The following CSMD1 variants were observed in gnomAD, a reference collection of about 807,000 sequenced individuals.
The protein encoded by CSMD1 is CUB and sushi domain-containing protein 1.
A neutral mutation model predicts 417.5 loss-of-function variants in CSMD1; 213 were observed. That is an observed-to-expected ratio of 0.51 (90% CI 0.46 to 0.57). The LOEUF (loss-of-function observed/expected upper bound fraction) is 0.57, where lower values mean the gene tolerates loss of function less well. Among genes scored for constraint, CSMD1 ranks in the 20% least tolerant of loss-of-function variants. CSMD1 has a pLI of 0.00. For missense variants in CSMD1, 6,923 were observed against 4,529.7 expected (o/e 1.53, Z -15.17); for synonymous variants, 2,862 against 1,736.8 (o/e 1.65, Z -16.11).
chr8:4,695,037 T>C (rs1276161935), intron 1 of CSMD1, among the ~76,000 whole-genome samples: 3 of 152,194 alleles, frequency 2.0e-5, no homozygotes, highest in Non-Finnish European at 4.4e-5. Flanking sequence ...TTATCTGTCA[T>C]CTTCCCCCTT....
intron 1 of CSMD1, among the ~76,000 whole-genome samples, chr8:4,921,653 C>G (rs1046769698): frequency 5.3e-5 from 8 of 152,058 alleles, no homozygotes; most frequent in Non-Finnish European, 1.2e-4. Context: ...TGTGAATTAC[C>G]CACAGAAGTG....
intron 3 of CSMD1, among the ~76,000 whole-genome samples, chr8:4,119,450 A>T (rs555781785): frequency 6.6e-6 from 1 of 152,184 alleles, no homozygotes; most frequent in South Asian, 2.1e-4. Context: ...CATGGACTGA[A>T]TATCTGTGTC....
intron 16 of CSMD1, among the ~76,000 whole-genome samples, chr8:3,398,512 G>T (rs150973500): frequency 1.4e-4 from 21 of 152,244 alleles, no homozygotes; most frequent in African/African-American, 5.1e-4. Flanking sequence ...TGTTAGCATT[G>T]ATCATTTGAA....
At chr8:4,141,565 C>T (rs1216607083) in intron 3 of CSMD1, among the ~76,000 whole-genome samples, 2 of 151,146 alleles carry the variant, frequency 1.3e-5, no homozygotes, top group Non-Finnish European at 2.9e-5. Context: ...CTCTTACAAA[C>T]CTGTACAGAA....
intron 1 of CSMD1, among the ~76,000 whole-genome samples, chr8:4,841,911 C>CAAACAAAACAAAAAAAAAAAAAAAAA (rs779855887): frequency 2.9e-5 from 1 of 34,824 alleles, no homozygotes; most frequent in African/African-American, 1.8e-4. Flanking sequence ...AACTCCGTCT[C>CAAACAAAACAAAAAAAAAAAAAAAAA]AAAAAAAAAA....
chr8:4,679,218 G>C (rs940472681), intron 1 of CSMD1, among the ~76,000 whole-genome samples: 1 of 152,116 alleles, frequency 6.6e-6, no homozygotes, highest in African/African-American at 2.4e-5. Context: ...GCTTTCCCTG[G>C]ACACATGGCA....
chr8:4,736,248 G>A (rs539514326), intron 1 of CSMD1, among the ~76,000 whole-genome samples: 1 of 152,146 alleles, frequency 6.6e-6, no homozygotes, highest in African/African-American at 2.4e-5. Flanking sequence ...AGACGTAAAA[G>A]TTCTCACACT....
At chr8:4,691,571 G>C (rs1171326900) in intron 1 of CSMD1, among the ~76,000 whole-genome samples, 1 of 152,078 alleles carries the variant, frequency 6.6e-6, no homozygotes, top group Non-Finnish European at 1.5e-5. Flanking sequence ...ATGTTATCTT[G>C]GGAAATGGCC....
At chr8:3,450,422 T>C (rs925881864) in intron 12 of CSMD1, among the ~76,000 whole-genome samples, 2 of 152,074 alleles carry the variant, frequency 1.3e-5, no homozygotes, top group African/African-American at 2.4e-5. Context: ...TAACTCGTCA[T>C]TTAGCATTAG....
chr8:4,927,122 T>C (rs188573090), intron 1 of CSMD1, among the ~76,000 whole-genome samples: 177 of 147,808 alleles, frequency 1.2e-3, no homozygotes, highest in African/African-American at 1.6e-3. Context: ...ATTATTATTA[T>C]TAAGATAGAC....
At chr8:3,732,152 T>G (rs895007447) in intron 6 of CSMD1, among the ~76,000 whole-genome samples, 2 of 152,220 alleles carry the variant, frequency 1.3e-5, no homozygotes, top group Non-Finnish European at 2.9e-5. Context: ...GGGCAAGCCC[T>G]GAGTTCAGGT....
At chr8:3,741,151 T>C (rs1220022456) in intron 6 of CSMD1, among the ~76,000 whole-genome samples, 2 of 136,198 alleles carry the variant, frequency 1.5e-5, no homozygotes, top group East Asian at 2.1e-4. Context: ...GAGGTGGAGG[T>C]TGCAGTGAGC....
At chr8:2,942,398 G>A (rs1277303082) in intron 69 of CSMD1, 74 bp downstream of exon 69, 8 of 1,285,318 alleles carry the variant, frequency 6.2e-6, no homozygotes, top group Middle Eastern at 1.9e-4. Flanking sequence ...ATGTGAGCAC[G>A]AGAGCATGCC....
intron 25 of CSMD1, among the ~76,000 whole-genome samples, chr8:3,287,221 G>T (rs1162013237): frequency 6.8e-6 from 1 of 147,104 alleles, no homozygotes; most frequent in Non-Finnish European, 1.5e-5. Context: ...AGTACAGTTT[G>T]AAGTCAGGTA....
chr8:4,681,923 C>T (rs1163895212), intron 1 of CSMD1, among the ~76,000 whole-genome samples: 3 of 152,132 alleles, frequency 2.0e-5, no homozygotes, highest in Non-Finnish European at 4.4e-5. Context: ...CGTGCTTGGT[C>T]ACTAGGAAGT....
chr8:3,831,541 G>A (rs1399022273), intron 5 of CSMD1, among the ~76,000 whole-genome samples: 1 of 152,156 alleles, frequency 6.6e-6, no homozygotes, highest in Non-Finnish European at 1.5e-5. Flanking sequence ...GGAGGAAAAT[G>A]TTGTTTTCAT....
intron 2 of CSMD1, among the ~76,000 whole-genome samples, chr8:4,546,996 A>G (rs1797668280): frequency 6.6e-6 from 1 of 152,168 alleles, no homozygotes; most frequent in African/African-American, 2.4e-5. Flanking sequence ...TGTGCCCTAC[A>G]TCCTTATCTA....
At chr8:4,568,646 T>A (rs1032344069) in intron 2 of CSMD1, among the ~76,000 whole-genome samples, 3 of 152,164 alleles carry the variant, frequency 2.0e-5, no homozygotes, top group African/African-American at 7.2e-5. Flanking sequence ...AGTAAAGGGA[T>A]TGCTGGGTCA....
At chr8:3,374,111 G>C (rs371719097) in intron 18 of CSMD1, among the ~76,000 whole-genome samples, 129 of 151,860 alleles carry the variant, frequency 8.5e-4, no homozygotes, top group African/African-American at 3.0e-3. Flanking sequence ...TATCACCACA[G>C]CCAGCTAATT....
Sources: allele counts gnomAD v4.1 joint callset (sites outside exome capture counted in the v4.1 genomes callset), GRCh38; gene constraint gnomAD v4.1.1; transcripts MANE v1.5; gene names NCBI Gene and HGNC (gene_info 2026-07-23, HGNC 2026-07-21).